TMEM114: variants seen among roughly 807,000 people sequenced by gnomAD.
The protein encoded by TMEM114 is claudin-26.
A neutral mutation model predicts 6.2 loss-of-function variants in TMEM114; 6 were observed. The ratio of observed to expected loss-of-function variants is 0.97; its 90% confidence interval spans 0.53 to 1.91. The LOEUF (loss-of-function observed/expected upper bound fraction) is 1.91. TMEM114 is among the 40% of genes most tolerant of loss of function. The pLI is 0.01. For synonymous variants in TMEM114, 104 were observed against 73.0 expected (o/e 1.42, Z -2.16); for missense variants, 218 against 158.3 (o/e 1.38, Z -2.02).
intron 2 of TMEM114, among the ~76,000 whole-genome samples, chr16:8,560,087 C>G (rs2141667893): frequency 6.6e-6 from 1 of 152,248 alleles, no homozygotes; most frequent in South Asian, 2.1e-4. Flanking sequence ...GCCTCGACCT[C>G]CTAGGCTCAA....
At chr16:8,562,593 T>C (rs62646460) in intron 2 of TMEM114, among the ~76,000 whole-genome samples, 2 of 129,944 alleles carry the variant, frequency 1.5e-5, no homozygotes, top group African/African-American at 3.0e-5. Flanking sequence ...AATAAGTAAG[T>C]GAATGAGTGA....
chr16:8,551,854 A>G (rs976259595), intron 2 of TMEM114, among the ~76,000 whole-genome samples: 3 of 152,212 alleles, frequency 2.0e-5, no homozygotes, highest in Admixed American at 6.5e-5. Context: ...GTCCTTCACT[A>G]GGTTATTGGA....
At chr16:8,578,244 C>G (rs961077681) in intron 2 of TMEM114, among the ~76,000 whole-genome samples, 2 of 152,108 alleles carry the variant, frequency 1.3e-5, no homozygotes, top group African/African-American at 4.8e-5. Flanking sequence ...AATTTAGTCT[C>G]TTACAGTTCT....
At chr16:8,527,567 C>A in the TMEM114 span, among the ~76,000 whole-genome samples, 15 of 152,002 alleles carry the variant, frequency 9.9e-5, no homozygotes, top group Non-Finnish European at 2.1e-4. Context: ...TGGAATTTTG[C>A]GTGTTTTTAG....
intron 2 of TMEM114, among the ~76,000 whole-genome samples, chr16:8,586,625 T>C (rs1007216535): frequency 6.6e-6 from 1 of 152,028 alleles, no homozygotes; most frequent in Non-Finnish European, 1.5e-5. Flanking sequence ...TTCTCATAAC[T>C]CAGCCTCCTG....
At chr16:8,527,102 G>A in the TMEM114 span, among the ~76,000 whole-genome samples, 38 of 152,300 alleles carry the variant, frequency 2.5e-4, no homozygotes, top group African/African-American at 8.4e-4. Flanking sequence ...AGCTACTCAG[G>A]AGGCTGAGGC....
chr16:8,532,569 T>C, the TMEM114 span, among the ~76,000 whole-genome samples: 2 of 152,182 alleles, frequency 1.3e-5, no homozygotes, highest in Non-Finnish European at 2.9e-5. Context: ...GAACGACGTG[T>C]CTCATTTAGT....
intron 2 of TMEM114, among the ~76,000 whole-genome samples, chr16:8,585,518 T>A (rs1319989109): frequency 6.6e-6 from 1 of 152,068 alleles, no homozygotes; most frequent in African/African-American, 2.4e-5. Flanking sequence ...TCAGCTAGCT[T>A]CTCCTCTATG....
At chr16:8,528,003 G>T in the TMEM114 span, among the ~76,000 whole-genome samples, 1 of 152,166 alleles carries the variant, frequency 6.6e-6, no homozygotes, top group African/African-American at 2.4e-5. Context: ...TGCCTCCCAG[G>T]CTCAACTTTA....
At chr16:8,549,633 G>A (rs1230023832) in intron 2 of TMEM114, among the ~76,000 whole-genome samples, 4 of 152,048 alleles carry the variant, frequency 2.6e-5, no homozygotes, top group African/African-American at 9.7e-5. Context: ...CTTCGTGTGT[G>A]TGTGTATGTG....
chr16:8,527,833 C>A, the TMEM114 span, among the ~76,000 whole-genome samples: 1 of 152,266 alleles, frequency 6.6e-6, no homozygotes, highest in East Asian at 1.9e-4. Flanking sequence ...GGTCTGTGAG[C>A]TATTTGCAAG....
chr16:8,553,936 T>C (rs1900925167), intron 2 of TMEM114, among the ~76,000 whole-genome samples: 1 of 151,832 alleles, frequency 6.6e-6, no homozygotes, highest in Non-Finnish European at 1.5e-5. Context: ...TAGAGTACAG[T>C]GGTGCAATCT....
At chr16:8,560,330 C>A (rs571808789) in intron 2 of TMEM114, among the ~76,000 whole-genome samples, 1 of 151,976 alleles carries the variant, frequency 6.6e-6, no homozygotes, top group Non-Finnish European at 1.5e-5. Flanking sequence ...CCTTGACCTC[C>A]CTGAGTTTCT....
At chr16:8,558,597 T>A (rs924146280) in intron 2 of TMEM114, among the ~76,000 whole-genome samples, 2 of 152,180 alleles carry the variant, frequency 1.3e-5, no homozygotes, top group South Asian at 4.1e-4. Flanking sequence ...AATTTCAACA[T>A]GATCTTTTTG....
chr16:8,531,039 G>A, the TMEM114 span, among the ~76,000 whole-genome samples: 20,047 of 151,900 alleles, frequency 0.13, 1,411 homozygotes, highest in African/African-American at 0.18. Context: ...ACAGGACGGA[G>A]GGAAGAAGGA....
At chr16:8,560,032 T>G (rs1465881157) in intron 2 of TMEM114, among the ~76,000 whole-genome samples, 1 of 152,216 alleles carries the variant, frequency 6.6e-6, no homozygotes, top group East Asian at 1.9e-4. Flanking sequence ...GGTCTCACTC[T>G]GTTACCCAGG....
intron 2 of TMEM114, among the ~76,000 whole-genome samples, chr16:8,540,506 G>A (rs1005153153): frequency 6.6e-6 from 1 of 152,162 alleles, no homozygotes; most frequent in African/African-American, 2.4e-5. Flanking sequence ...AAAAATCTCA[G>A]CTATTATTAC....
intron 2 of TMEM114, among the ~76,000 whole-genome samples, chr16:8,563,381 ATGAG>A (rs1484257286): frequency 7.5e-6 from 1 of 133,320 alleles, no homozygotes. Context: ...GAATGAGTGA[ATGAG>A]TGAGTGAATG....
At chr16:8,576,195 C>A (rs539918181) in intron 2 of TMEM114, among the ~76,000 whole-genome samples, 1 of 152,312 alleles carries the variant, frequency 6.6e-6, no homozygotes, top group East Asian at 1.9e-4. Flanking sequence ...ATATGACTGT[C>A]CCTGCTTTCT....
Sources: gnomAD v4.1 joint callset for allele counts (sites outside exome capture counted in the v4.1 genomes callset) on GRCh38, gnomAD v4.1.1 for gene constraint, MANE v1.5 for transcripts, NCBI Gene and HGNC (gene_info 2026-07-23, HGNC 2026-07-21) for gene names.